Variants in VIRMA observed in about 807,000 individuals in gnomAD.
VIRMA encodes protein virilizer homolog.
Under a neutral mutation model 182.4 loss-of-function variants are expected in VIRMA, and 65 were observed. The observed-to-expected ratio is 0.36, with a 90% confidence interval of 0.29 to 0.44. The LOEUF is 0.44. VIRMA is among the 20% of genes least tolerant of loss of function. The pLI is 1.00. For missense variants in VIRMA, 1,752 were observed against 2,158.1 expected (o/e 0.81, Z 3.73); for synonymous variants, 709 against 743.1 (o/e 0.95, Z 0.75).
In VIRMA at chr8:94,538,335, G is replaced by A; in HGVS notation, c.191C>T (p.Pro64Leu). ...PDNRAYGETS[P>L]HTFQLDLFFN... Reference sequence around the variant, plus strand: ...GAATAAGTCTAATTGAAATGTATGGGGAGATGTCTCTCTGTAAATGAAACA... The same window carrying A: ...GAATAAGTCTAATTGAAATGTATGGAGAGATGTCTCTCTGTAAATGAAACA... The change falls in exon 3 of 24, where the codon CCC becomes CTC. Residue 64 changes from proline (P) to leucine (L), a missense_variant. Around this residue, in one of 11 missense-constraint regions of VIRMA, gnomAD observed 195 missense variants for 191.7 expected, o/e 1.02. Coordinates refer to ENST00000297591, the MANE Select transcript of VIRMA (RefSeq NM_015496.5). 3.1e-6 allele frequency: 5 copies of A among 1,607,988 alleles called. No homozygotes were observed. The highest frequency in any genetic ancestry group is 4.3e-6 in the Non-Finnish European group (5 of 1,174,828).
chr8:94,494,962 A>G lies in VIRMA; in HGVS notation c.4545-6T>C. ...CAGCAAGCACATAGGCAGTCCTGGA[A>G]CAAGAAAAGTATCTGGTGAAAAGCA... On this transcript the variant is annotated splice_region_variant and splice_polypyrimidine_tract_variant and intron_variant, in intron 19 of 23. Transcript: ENST00000297591. 6.4e-7 allele frequency: 1 copy of G among 1,569,892 alleles called. No individual in the cohort carries two copies. Among genetic ancestry groups the G allele is most frequent in the Non-Finnish European group, 8.7e-7 (1 of 1,144,902 alleles).
chr8:94,546,344 T>A (rs1815764352), intron 1 of VIRMA, among the ~76,000 whole-genome samples: 1 of 151,062 alleles, frequency 6.6e-6, no homozygotes, highest in South Asian at 2.1e-4. Flanking sequence ...CCTACATTAG[T>A]GATGGCATCA....
At chr8:94,544,981 T>A (rs879599621) in intron 1 of VIRMA, among the ~76,000 whole-genome samples, 1 of 151,040 alleles carries the variant, frequency 6.6e-6, no homozygotes, top group Non-Finnish European at 1.5e-5. Context: ...GAAAAAAAAA[T>A]AGAAGCAGAG....
intron 5 of VIRMA, chr8:94,533,644 G>A (rs1425172389): frequency 6.9e-6 from 1 of 144,192 alleles, no homozygotes; most frequent in East Asian, 2.0e-4. Context: ...GGGAGGGGCA[G>A]GTTCTCCCTA....
intron 4 of VIRMA, among the ~76,000 whole-genome samples, chr8:94,536,557 G>C (rs1410520307): frequency 6.6e-6 from 1 of 152,222 alleles, no homozygotes; most frequent in Non-Finnish European, 1.5e-5. Context: ...ATGAAAGATG[G>C]TAAAGCACAA....
intron 16 of VIRMA, among the ~76,000 whole-genome samples, chr8:94,504,296 C>T (rs1461012987): frequency 6.6e-6 from 1 of 152,060 alleles, no homozygotes; most frequent in African/African-American, 2.4e-5. Context: ...TCTGTACCCC[C>T]ATTACCTCCA....
chr8:94,500,348 G>A (rs541930072), intron 16 of VIRMA, among the ~76,000 whole-genome samples: 311 of 152,294 alleles, frequency 2.0e-3, no homozygotes, highest in African/African-American at 6.9e-3. Flanking sequence ...GCAGTGAGCC[G>A]AGATTGTGCC....
At chr8:94,518,023 G>A in intron 9 of VIRMA, 81 bp from the exon 10 acceptor site, 3 of 990,352 alleles carry the variant, frequency 3.0e-6, no homozygotes, top group South Asian at 1.6e-5. Context: ...CTTCTACTTG[G>A]CTTTAAAGAG....
At position 94,488,757 on chromosome 8, in the gene VIRMA, A is replaced by C. The variant is rs1245658751; in HGVS notation, c.5388T>G (p.Phe1796Leu). 6.2e-7 allele frequency: 1 copy of C among 1,614,080 alleles called. No individual in the cohort carries two copies. The highest frequency in any genetic ancestry group is 8.5e-7 in the Non-Finnish European group (1 of 1,180,048). The change falls in exon 24 of 24, where the codon TTT becomes TTG. Residue 1796 changes from phenylalanine (F) to leucine (L), a missense_variant. Physicochemically the swap from Phe to Leu is conservative, Grantham distance 22 (BLOSUM62 0). Transcript: ENST00000297591. The part of the protein sequence containing the change: ...NSGSGGSRGK[F>L]VSGGSGRGRH... ...GACCTCTACCACTGCCTCCACTAAC[A>C]AACTTTCCTCTTGAGCCTCCACTGC...
Position 94,530,959 on chromosome 8 carries a change from A to T in VIRMA, c.607+4T>A. 6.9e-6 allele frequency: 11 copies of T among 1,600,182 alleles called. No homozygotes were observed. The highest frequency in any genetic ancestry group is 1.1e-5 in the South Asian group (1 of 89,340). Reference sequence around the variant, plus strand: ...GAAAACCTTAGCACTGGTTTTATTTATACCTGGCAGAGGCACAGGATCATC... The same window carrying T: ...GAAAACCTTAGCACTGGTTTTATTTTTACCTGGCAGAGGCACAGGATCATC... On this transcript the variant is annotated splice_donor_region_variant and intron_variant, in intron 6 of 23. Coordinates refer to ENST00000297591, the MANE Select transcript of VIRMA (RefSeq NM_015496.5).
At chr8:94,548,870 G>A (rs1223838510) in intron 1 of VIRMA, among the ~76,000 whole-genome samples, 1 of 152,042 alleles carries the variant, frequency 6.6e-6, no homozygotes, top group African/African-American at 2.4e-5. Context: ...GGTTAGCCAG[G>A]ATGGTCTCAA....
chr8:94,513,944 C>A (rs1333260160), intron 11 of VIRMA, among the ~76,000 whole-genome samples: 2 of 152,148 alleles, frequency 1.3e-5, no homozygotes, highest in Non-Finnish European at 2.9e-5. Flanking sequence ...GCAGAGAAAT[C>A]AGTAAAGAAA....
intron 1 of VIRMA, among the ~76,000 whole-genome samples, chr8:94,546,630 G>A (rs1815776678): frequency 2.0e-5 from 3 of 150,612 alleles, no homozygotes; most frequent in Non-Finnish European, 1.5e-5. Context: ...GTTCTTTAAC[G>A]GTGATTTCTG....
At chr8:94,525,767 A>C (rs1814936816) in intron 8 of VIRMA, among the ~76,000 whole-genome samples, 1 of 152,252 alleles carries the variant, frequency 6.6e-6, no homozygotes, top group African/African-American at 2.4e-5. Flanking sequence ...TGGCAGAAAC[A>C]AGTAGTAATG....
chr8:94,548,465 T>G (rs1390047168), intron 1 of VIRMA, among the ~76,000 whole-genome samples: 1 of 150,812 alleles, frequency 6.6e-6, no homozygotes, highest in Non-Finnish European at 1.5e-5. Flanking sequence ...TAAAAGCTGA[T>G]TACAATAGGG....
chr8:94,510,820 A>T (rs1563463653), intron 13 of VIRMA, 168 bp from the exon 14 acceptor site: 3 of 778,606 alleles, frequency 3.9e-6, no homozygotes, highest in Non-Finnish European at 6.0e-6. Context: ...ATGAGTCTAA[A>T]AAATCTTATT....
intron 1 of VIRMA, among the ~76,000 whole-genome samples, chr8:94,550,452 T>A (rs540967656): frequency 2.6e-5 from 4 of 151,474 alleles, no homozygotes; most frequent in African/African-American, 9.7e-5. Context: ...GCCACCACGC[T>A]CGGCTATTTG....
chr8:94,492,042 C>A, intron 21 of VIRMA, 133 bp from the exon 22 acceptor site: 2 of 622,394 alleles, frequency 3.2e-6, no homozygotes, highest in East Asian at 5.6e-5. Flanking sequence ...ATCTATCATA[C>A]TTCTGGGATA....
chr8:94,525,271 C>T (rs1343567061), intron 8 of VIRMA, among the ~76,000 whole-genome samples: 1 of 152,250 alleles, frequency 6.6e-6, no homozygotes, highest in African/African-American at 2.4e-5. Flanking sequence ...AGGAGATACA[C>T]TTTAACCAGT....
Sources: gnomAD v4.1 joint callset for allele counts (sites outside exome capture counted in the v4.1 genomes callset) on GRCh38, gnomAD v4.1.1 for gene constraint, gnomAD v4.1.1 regional missense constraint, MANE v1.5 for transcripts, NCBI Gene and HGNC (gene_info 2026-07-23, HGNC 2026-07-21) for gene names.